Variants in RERE observed in about 807,000 individuals in gnomAD.
RERE encodes arginine-glutamic acid dipeptide repeats protein.
A neutral mutation model predicts 146.1 loss-of-function variants in RERE; 40 were observed. That is an observed-to-expected ratio of 0.27 (90% CI 0.21 to 0.36). The LOEUF is 0.36. Among genes scored for constraint, RERE ranks in the 10% least tolerant of loss-of-function variants. The probability of loss-of-function intolerance (pLI) is 1.00; values close to 1 mark genes in which losing one functional copy is unlikely to be tolerated. For missense variants in RERE, 1,933 were observed against 2,138.7 expected, an observed-to-expected ratio of 0.90 and a Z score of 1.90; for synonymous variants, 1,003 against 866.0, an observed-to-expected ratio of 1.16 and a Z score of -2.78.
chr1:8,488,603 A>C (rs1644936208), intron 10 of RERE, among the ~76,000 whole-genome samples: 1 of 152,220 alleles, frequency 6.6e-6, no homozygotes, highest in Non-Finnish European at 1.5e-5. Context: ...GGAAATGGAA[A>C]TTACCTCAAA....
rs573135224 is a variant in RERE at position 8,516,227 on chromosome 1, G to GGAAAAAAAAAAAAAAAAAA, written c.831-7553_831-7552insTTTTTTTTTTTTTTTTTTC. ...GGGACGGAGCAAGACTCTCTCAGAG[G>GGAAAAAAAAAAAAAAAAAA]AAAAAAAAAAAAAAAAAAAAAATCT... On this transcript the variant is annotated intron_variant, in intron 7 of 22. Transcript: ENST00000400908. Among the ~76,000 whole-genome samples the GGAAAAAAAAAAAAAAAAAA allele has an allele frequency of 2.3e-4, 12 of 52,306 alleles. 3 individuals carry two copies. Among genetic ancestry groups the GGAAAAAAAAAAAAAAAAAA allele is most frequent in the African/African-American group, 9.5e-4 (11 of 11,626 alleles). 34.3% of individuals were successfully genotyped at this position (52,306 alleles called of 152,430 possible).
At chr1:8,551,232 T>G (rs1278955892) in intron 6 of RERE, among the ~76,000 whole-genome samples, 1 of 152,132 alleles carries the variant, frequency 6.6e-6, no homozygotes, top group Non-Finnish European at 1.5e-5. Context: ...CCCTCCACAA[T>G]CAATACTGGA....
chr1:8,375,302 C>G (rs1046408601), intron 12 of RERE, among the ~76,000 whole-genome samples: 1 of 152,198 alleles, frequency 6.6e-6, no homozygotes, highest in Non-Finnish European at 1.5e-5. Flanking sequence ...GTAACTGCCT[C>G]CTGATCTCAT....
At chr1:8,694,646 C>T (rs1639281488) in intron 1 of RERE, among the ~76,000 whole-genome samples, 1 of 151,926 alleles carries the variant, frequency 6.6e-6, no homozygotes, top group South Asian at 2.1e-4. Context: ...GTAGTTCCAG[C>T]TACTCGGGAG....
At chr1:8,701,173 G>A (rs1398140485) in intron 1 of RERE, among the ~76,000 whole-genome samples, 1 of 152,046 alleles carries the variant, frequency 6.6e-6, no homozygotes, top group Non-Finnish European at 1.5e-5. Context: ...GCAATTCACT[G>A]AGCCTTACTG....
rs1030476401 is a variant in RERE, at chr1:8,533,558, G to A, written c.830+7656C>T. On this transcript the variant is annotated intron_variant, in intron 7 of 22. Transcript: ENST00000400908. ...GCCAGGTATCTTGAAGGGTTTACTG[G>A]CATGAGACCACTTTTTATATTGCCT... is the stretch of plus-strand genomic sequence containing the variant. Among the ~76,000 whole-genome samples the A allele has an allele frequency of 2.6e-5, 4 of 152,130 alleles. No individual in the cohort carries two copies. The East Asian group carries it at 7.7e-4, about 29-fold the overall frequency.
chr1:8,726,846 C>T (rs539520570), intron 1 of RERE, among the ~76,000 whole-genome samples: 7 of 152,312 alleles, frequency 4.6e-5, no homozygotes, highest in Admixed American at 1.3e-4. Context: ...CCCTCTATTG[C>T]CTAGGCTGGA....
At chr1:8,457,440 TAA>T (rs1285554701) in intron 11 of RERE, among the ~76,000 whole-genome samples, 1 of 152,112 alleles carries the variant, frequency 6.6e-6, no homozygotes, top group Non-Finnish European at 1.5e-5. Flanking sequence ...AAATCAAATC[TAA>T]GTGTCAATTA....
chr1:8,793,002 C>T (rs938221019), intron 1 of RERE, among the ~76,000 whole-genome samples: 1 of 151,612 alleles, frequency 6.6e-6, no homozygotes, highest in African/African-American at 2.4e-5. Context: ...ACTACAAATA[C>T]AAAAATTAGC....
intron 1 of RERE, among the ~76,000 whole-genome samples, chr1:8,662,920 T>G (rs1638488231): frequency 6.6e-6 from 1 of 152,190 alleles, no homozygotes; most frequent in Admixed American, 6.5e-5. Context: ...TGTTGAGAAT[T>G]ACACAAGTAT....
At chr1:8,533,897 A>C (rs187649253) in intron 7 of RERE, among the ~76,000 whole-genome samples, 24 of 152,258 alleles carry the variant, frequency 1.6e-4, no homozygotes, top group African/African-American at 5.8e-4. Flanking sequence ...CAAATGAAAA[A>C]CAGGCTTTTG....
intron 1 of RERE, among the ~76,000 whole-genome samples, chr1:8,668,740 A>G (rs968613394): frequency 2.0e-5 from 3 of 152,210 alleles, no homozygotes; most frequent in Non-Finnish European, 2.9e-5. Flanking sequence ...CACTTGTAAT[A>G]AATGTACAGA....
At chr1:8,586,288 AAT>A (rs1203728681) in intron 4 of RERE, among the ~76,000 whole-genome samples, 1 of 152,240 alleles carries the variant, frequency 6.6e-6, no homozygotes, top group Non-Finnish European at 1.5e-5. Context: ...ACTATAATGG[AAT>A]ATAATTACTG....
intron 1 of RERE, among the ~76,000 whole-genome samples, chr1:8,750,031 A>G (rs1025175375): frequency 1.3e-5 from 2 of 151,798 alleles, no homozygotes; most frequent in Non-Finnish European, 2.9e-5. Context: ...GGGCACCTGT[A>G]ATCTCAGCTA....
chr1:8,804,765 A>T (rs967732590), intron 1 of RERE, among the ~76,000 whole-genome samples: 1 of 151,944 alleles, frequency 6.6e-6, no homozygotes, highest in Non-Finnish European at 1.5e-5. Flanking sequence ...AAAAGGAAAG[A>T]GTTACATGTT....
At chr1:8,433,840 G>A (rs902566934) in intron 11 of RERE, among the ~76,000 whole-genome samples, 5 of 152,168 alleles carry the variant, frequency 3.3e-5, no homozygotes, top group South Asian at 4.1e-4. Context: ...GATTACAGGC[G>A]TGAGCCACCG....
intron 1 of RERE, among the ~76,000 whole-genome samples, chr1:8,774,668 C>T (rs1309611378): frequency 6.6e-6 from 1 of 151,588 alleles, no homozygotes; most frequent in Non-Finnish European, 1.5e-5. Flanking sequence ...TTTTGGCAAA[C>T]TATTAAAACC....
At chr1:8,492,435 A>G (rs778535777) in intron 10 of RERE, among the ~76,000 whole-genome samples, 1 of 152,160 alleles carries the variant, frequency 6.6e-6, no homozygotes, top group African/African-American at 2.4e-5. Flanking sequence ...CAGTTATGAA[A>G]GCAGGATTTT....
chr1:8,624,047 T>C (rs1646946249), intron 3 of RERE, among the ~76,000 whole-genome samples: 1 of 152,236 alleles, frequency 6.6e-6, no homozygotes, highest in Admixed American at 6.5e-5. Context: ...CAAGGGACTA[T>C]CTGAAATTGT....
Sources: gnomAD v4.1 joint callset for allele counts (sites outside exome capture counted in the v4.1 genomes callset) on GRCh38, gnomAD v4.1.1 for gene constraint, MANE v1.5 for transcripts, NCBI Gene and HGNC (gene_info 2026-07-23, HGNC 2026-07-21) for gene names.